Variants in CEP162 observed in about 807,000 individuals in gnomAD.
CEP162 encodes centrosomal protein 162.
A neutral mutation model predicts 169.2 loss-of-function variants in CEP162; 141 were observed. The ratio of observed to expected loss-of-function variants is 0.83; its 90% CI spans 0.73 to 0.96. The LOEUF (loss-of-function observed/expected upper bound fraction) is 0.96. CEP162 is among the 40% of genes least tolerant of loss of function. The pLI is 0.00. For missense variants in CEP162, 1,600 were observed against 1,587.2 expected (o/e 1.01, Z -0.14); for synonymous variants, 540 against 526.4 (o/e 1.03, Z -0.35).
At position 84,155,347 on chromosome 6, in the gene CEP162, T is replaced by C. The variant is rs752463072; in HGVS notation, c.2945A>G (p.Asp982Gly). ...CATGGTACGAAGGCTTTTCTTTGCA[T>C]CTTCATCTTTGCCCTCCAGATCAGC... ...LEADLEGKDE[D>G]AKKSLRTMEQ... Residue 982 changes from aspartate (D) to glycine (G), a missense_variant, in exon 22 of 27, where the codon GAT becomes GGT. Asp to Gly is a moderately conservative substitution (Grantham distance 94, BLOSUM62 -1). Transcript: ENST00000403245. 2 of 1,613,690 alleles carry C rather than the reference T, an allele frequency of 1.2e-6. No homozygotes were observed. The highest frequency in any genetic ancestry group is 1.7e-6 in the Non-Finnish European group (2 of 1,179,688).
intron 25 of CEP162, among the ~76,000 whole-genome samples, chr6:84,138,139 G>GTA (rs2099514959): frequency 6.6e-6 from 1 of 152,178 alleles, no homozygotes; most frequent in South Asian, 2.1e-4. Context: ...GGTTTAAAAT[G>GTA]TATAGTGTGC....
chr6:84,185,081 T>C, intron 13 of CEP162, 106 bp downstream of exon 13: 1 of 1,021,898 alleles, frequency 9.8e-7, no homozygotes, highest in South Asian at 1.7e-5. Flanking sequence ...TCAAGCCCTG[T>C]TGCCTCCTGC....
Position 84,149,564 on chromosome 6 carries a change from CTT to C in CEP162, c.3767_3768del (p.Gln1256ArgfsTer12), listed in dbSNP as rs1554164702. ...GATAAAACAGATTTGTCATCTACCT[CTT>C]GAGTTGCTATTTTACGATTTAGTTC... Reference protein sequence around the residue: ...VAELNRKIATQEVLIRHFQSQ... With the variant: ...VAELNRKIATXEVLIRHFQSQ... On this transcript the variant is annotated frameshift_variant, in exon 24 of 27. Coordinates refer to ENST00000403245, the MANE Select transcript of CEP162 (RefSeq NM_014895.4). LOFTEE classifies it high-confidence loss of function. 3.1e-6 allele frequency: 5 copies of C among 1,590,404 alleles called. No individual in the cohort carries two copies. Among genetic ancestry groups the C allele is most frequent in the African/African-American group, 1.4e-5 (1 of 73,928 alleles).
At chr6:84,129,704 T>C (rs1336675274) in intron 25 of CEP162, among the ~76,000 whole-genome samples, 1 of 152,202 alleles carries the variant, frequency 6.6e-6, no homozygotes, top group Non-Finnish European at 1.5e-5. Flanking sequence ...TTGGCTTTTG[T>C]TGCCACTGCT....
Position 84,155,492 on chromosome 6 carries a change from T to A in CEP162, c.2800A>T (p.Ile934Phe), listed in dbSNP as rs2099522815. 1 of 1,609,320 alleles carries A rather than the reference T, an allele frequency of 6.2e-7. No individual in the cohort carries two copies. Among genetic ancestry groups the A allele is most frequent in the East Asian group, 2.2e-5 (1 of 44,850 alleles). The change falls in exon 22 of 27, where the codon ATT (isoleucine) becomes TTT (phenylalanine). Residue 934 changes from isoleucine to phenylalanine, a missense_variant. Transcript: ENST00000403245. ...GAATTGGGATATCTTCTCTTCAGAA[T>A]CCCTTCCATTTCCTTAACCTATTAA... Reference protein sequence around the residue: ...LERQVKEMEGILKRRYPNSLP... With the variant: ...LERQVKEMEGFLKRRYPNSLP...
At chr6:84,127,116 C>CA (rs1156752856) in intron 25 of CEP162, among the ~76,000 whole-genome samples, 1 of 152,120 alleles carries the variant, frequency 6.6e-6, no homozygotes, top group African/African-American at 2.4e-5. Flanking sequence ...ACCCCATCCT[C>CA]ACAGAGTGTA....
In CEP162 at chr6:84,215,870, A is replaced by T. The variant is rs1006042921; in HGVS notation, c.225T>A (p.Pro75=). The change falls in exon 4 of 27, where the codon CCT becomes CCA. Residue 75 remains proline (P), a synonymous_variant. Coordinates refer to ENST00000403245, the MANE Select transcript of CEP162 (RefSeq NM_014895.4). The stretch of plus-strand genomic sequence containing the variant: ...CAGACTCCTCTTCTATTTCCATAAC[A>T]GGCTGAGAAGTCTTCTTTGTTTTCA... The part of the protein sequence containing the change: ...SYLKTKKTSQ[P]VMEIEEESAE... 1.1e-5 allele frequency: 17 copies of T among 1,580,292 alleles called. No individual in the cohort carries two copies. The highest frequency in any genetic ancestry group is 1.1e-5 in the Non-Finnish European group (13 of 1,161,438).
intron 17 of CEP162, among the ~76,000 whole-genome samples, chr6:84,170,595 T>C (rs941103647): frequency 6.6e-6 from 1 of 151,882 alleles, no homozygotes; most frequent in East Asian, 1.9e-4. Context: ...CTAGGTTATA[T>C]AACCAAAAAG....
At chr6:84,134,992 TATGC>T in intron 25 of CEP162, among the ~76,000 whole-genome samples, 1 of 151,976 alleles carries the variant, frequency 6.6e-6, no homozygotes, top group South Asian at 2.1e-4. Context: ...TTGAAAATCA[TATGC>T]ATGCATACAT....
intron 25 of CEP162, among the ~76,000 whole-genome samples, chr6:84,145,614 CTGTCTA>C (rs1350448840): frequency 6.6e-6 from 1 of 152,004 alleles, no homozygotes; most frequent in African/African-American, 2.4e-5. Context: ...GTCTAGATCT[CTGTCTA>C]TAATTCTCCA....
rs570583007 is a variant in CEP162 at position 84,202,431 on chromosome 6, T to C, written c.688-664A>G. Among the ~76,000 whole-genome samples the C allele has an allele frequency of 2.6e-5, 4 of 152,208 alleles. No homozygotes were observed. In the South Asian group the frequency reaches 8.3e-4, roughly 32 times the overall value. ...AAGCTTCCACAGTTAGGCTGATACC[T>C]TTTTATGCATATGGTACACTTTCTA... On this transcript the variant is annotated intron_variant, in intron 7 of 26. Transcript: ENST00000403245.
intron 7 of CEP162, among the ~76,000 whole-genome samples, chr6:84,203,643 G>C (rs2099545540): frequency 6.6e-6 from 1 of 152,030 alleles, no homozygotes; most frequent in Admixed American, 6.6e-5. Flanking sequence ...GGAGAGATGA[G>C]ATCCCACTAT....
intron 21 of CEP162, among the ~76,000 whole-genome samples, chr6:84,159,213 C>G (rs1016152758): frequency 1.2e-4 from 18 of 151,306 alleles, no homozygotes; most frequent in Non-Finnish European, 2.5e-4. Flanking sequence ...GTATATGCAG[C>G]AATCCAACTA....
At chr6:84,202,951 GAA>G (rs982106145) in intron 7 of CEP162, among the ~76,000 whole-genome samples, 2 of 152,166 alleles carry the variant, frequency 1.3e-5, no homozygotes, top group African/African-American at 4.8e-5. Flanking sequence ...ATAGACACCT[GAA>G]AAGTGTTTCT....
At chr6:84,227,303 G>A (rs1006148064) in intron 1 of CEP162, among the ~76,000 whole-genome samples, 3 of 152,068 alleles carry the variant, frequency 2.0e-5, no homozygotes, top group South Asian at 2.1e-4. Context: ...CCCCTCATTT[G>A]CACTTTCGAT....
intron 9 of CEP162, among the ~76,000 whole-genome samples, chr6:84,199,630 A>T (rs2099543638): frequency 6.6e-6 from 1 of 151,720 alleles, no homozygotes; most frequent in Non-Finnish European, 1.5e-5. Flanking sequence ...AGCGATTTCT[A>T]TTACTCTTTT....
chr6:84,188,180 C>T (rs78369054), intron 11 of CEP162, among the ~76,000 whole-genome samples: 1,700 of 149,054 alleles, frequency 0.011, 29 homozygotes, highest in African/African-American at 0.039. Context: ...TGCAAATAAA[C>T]GCAGAGAAAA....
intron 6 of CEP162, among the ~76,000 whole-genome samples, chr6:84,207,676 C>T (rs1364954239): frequency 6.6e-6 from 1 of 151,822 alleles, no homozygotes; most frequent in Admixed American, 6.5e-5. Flanking sequence ...TGTAACAAAC[C>T]TGCACGTTGT....
chr6:84,155,673 A>T (rs751470300), intron 21 of CEP162, 163 bp from the exon 22 acceptor site: 22 of 582,394 alleles, frequency 3.8e-5, no homozygotes, highest in Non-Finnish European at 6.4e-5. Flanking sequence ...GAATATATTT[A>T]ACCAAGAAGG....
Sources: gnomAD v4.1 joint callset for allele counts (sites outside exome capture counted in the v4.1 genomes callset) on GRCh38, gnomAD v4.1.1 for gene constraint, MANE v1.5 for transcripts, NCBI Gene and HGNC (gene_info 2026-07-23, HGNC 2026-07-21) for gene names.